The following BICRAL variants were observed in gnomAD, a reference collection of about 807,000 sequenced individuals.
BICRAL encodes the protein BRD4-interacting chromatin-remodeling complex-associated protein-like.
BICRAL carries 8 observed loss-of-function variants against 91.8 expected under a neutral mutation model. That is an observed-to-expected ratio of 0.09 (90% confidence interval 0.05 to 0.16). The LOEUF (loss-of-function observed/expected upper bound fraction) is 0.16, where lower values mean the gene tolerates loss of function less well. Ranked by LOEUF, BICRAL falls within the 10% of genes least tolerant of loss-of-function variation. The pLI is 1.00. For synonymous variants in BICRAL, 445 were observed against 491.1 expected, an observed-to-expected ratio of 0.91 and a Z score of 1.24; for missense variants, 1,038 against 1,310.9, an observed-to-expected ratio of 0.79 and a Z score of 3.21.
Position 42,817,170 on chromosome 6 carries a change from GTGTA to G in BICRAL, c.-5-4846_-5-4843del, listed in dbSNP as rs777292040. On this transcript the variant is annotated intron_variant, in intron 2 of 12. Coordinates refer to ENST00000314073, the MANE Select transcript of BICRAL (RefSeq NM_001393499.1). ...TATATGTGTGTGTGTGTGTGTGTGT[GTGTA>G]TATATGTGTGTGTGTGTATTTCCCC... 2.6e-3 allele frequency among the ~76,000 whole-genome samples: 387 copies of G among 150,840 alleles called. 3 individuals carry two copies. Among genetic ancestry groups the G allele is most frequent in the African/African-American group, 7.2e-3 (297 of 41,034 alleles).
intron 1 of BICRAL, among the ~76,000 whole-genome samples, chr6:42,756,323 CTGGTTCTTTCT>C (rs1033995250): frequency 2.6e-5 from 4 of 152,142 alleles, no homozygotes; most frequent in African/African-American, 7.2e-5. Flanking sequence ...ATTTATCTCC[CTGGTTCTTTCT>C]TGGTTCTTTA....
At chr6:42,852,473 C>T (rs1765217798) in intron 7 of BICRAL, 1 of 546,896 alleles carries the variant, frequency 1.8e-6, no homozygotes. Context: ...ACCAGCCCGA[C>T]CAACATGATG....
chr6:42,765,304 C>T (rs1008851934), intron 1 of BICRAL, among the ~76,000 whole-genome samples: 37 of 152,264 alleles, frequency 2.4e-4, no homozygotes, highest in African/African-American at 6.5e-4. Context: ...AATGTGAATG[C>T]GTAACAGGGC....
chr6:42,760,790 G>A (rs1303966042), intron 1 of BICRAL, among the ~76,000 whole-genome samples: 1 of 145,358 alleles, frequency 6.9e-6, no homozygotes. Flanking sequence ...GGGAGGTAGA[G>A]GCAGGTGGAT....
At chr6:42,836,146 G>A (rs1010331701) in intron 6 of BICRAL, among the ~76,000 whole-genome samples, 5 of 152,116 alleles carry the variant, frequency 3.3e-5, no homozygotes, top group African/African-American at 1.2e-4. Context: ...ACACGCCATA[G>A]ACGTTTTCAC....
chr6:42,857,614 A>AAAAAAAAAAAAAAAAAATATATAT, intron 10 of BICRAL, among the ~76,000 whole-genome samples: 1 of 96,242 alleles, frequency 1.0e-5, no homozygotes, highest in African/African-American at 6.5e-5. Context: ...AAAAAAAAAA[A>AAAAAAAAAAAAAAAAAATATATAT]ATATATATAT....
intron 5 of BICRAL, among the ~76,000 whole-genome samples, chr6:42,825,425 C>T (rs1378153862): frequency 6.6e-6 from 1 of 151,480 alleles, no homozygotes; most frequent in South Asian, 2.1e-4. Context: ...ATTAGCCGGG[C>T]GTTGTGGCGG....
chr6:42,794,407 TACTC>T (rs1381674314), intron 1 of BICRAL, among the ~76,000 whole-genome samples: 2 of 142,364 alleles, frequency 1.4e-5, no homozygotes, highest in Admixed American at 7.2e-5. Context: ...AAAATTCACT[TACTC>T]TGTGTGTGTG....
rs1489423852 is a variant in BICRAL, at chr6:42,868,197, T to A, written c.*2751T>A. 1 of 152,440 alleles carries A rather than the reference T, an allele frequency of 6.6e-6. No homozygotes were observed. Among genetic ancestry groups the A allele is most frequent in the African/African-American group, 2.4e-5 (1 of 41,396 alleles). 9.4% of individuals were successfully genotyped at this position (152,440 alleles called of 1,614,324 possible). Reference sequence around the variant, plus strand: ...ATCTGGCAATTATGAAAAAGAAATATTTTAGCTCTGAAGGATTTAGTAGAT... The same window carrying A: ...ATCTGGCAATTATGAAAAAGAAATAATTTAGCTCTGAAGGATTTAGTAGAT... On this transcript the variant is annotated 3_prime_UTR_variant, in exon 13 of 13. Coordinates refer to ENST00000314073, the MANE Select transcript of BICRAL (RefSeq NM_001393499.1).
chr6:42,862,647 C>A, intron 12 of BICRAL, 35 bp downstream of exon 12: 1 of 1,247,252 alleles, frequency 8.0e-7, no homozygotes, highest in South Asian at 1.2e-5. Context: ...GTGGATAGCT[C>A]CTGCCATGGT....
intron 1 of BICRAL, among the ~76,000 whole-genome samples, chr6:42,761,409 A>G (rs982548293): frequency 1.3e-5 from 2 of 152,220 alleles, no homozygotes; most frequent in African/African-American, 2.4e-5. Flanking sequence ...AGGTTGCACC[A>G]CTGCAATCCA....
chr6:42,857,614 A>AAAAATATAT, intron 10 of BICRAL, among the ~76,000 whole-genome samples: 1,764 of 95,834 alleles, frequency 0.018, 24 homozygotes, highest in Non-Finnish European at 0.026. Flanking sequence ...AAAAAAAAAA[A>AAAAATATAT]ATATATATAT....
intron 6 of BICRAL, among the ~76,000 whole-genome samples, chr6:42,846,208 C>T (rs1765004606): frequency 1.3e-5 from 2 of 151,300 alleles, no homozygotes; most frequent in South Asian, 4.2e-4. Flanking sequence ...AACCCCATCT[C>T]TACTAAAAAT....
At chr6:42,751,066 A>T in intron 1 of BICRAL, among the ~76,000 whole-genome samples, 1 of 128,358 alleles carries the variant, frequency 7.8e-6, no homozygotes, top group South Asian at 2.4e-4. Flanking sequence ...CCCCTTGCCC[A>T]GTTTCCTTTT....
chr6:42,785,333 C>G (rs1025111117), intron 1 of BICRAL, among the ~76,000 whole-genome samples: 1 of 151,414 alleles, frequency 6.6e-6, no homozygotes, highest in East Asian at 2.0e-4. Flanking sequence ...CTGAGGCGGG[C>G]GGATTACCTG....
chr6:42,830,827 G>T (rs1764454960), intron 6 of BICRAL, among the ~76,000 whole-genome samples: 1 of 152,150 alleles, frequency 6.6e-6, no homozygotes, highest in African/African-American at 2.4e-5. Context: ...GTGTTGCCCA[G>T]GCTGGTCTTG....
At chr6:42,779,942 C>T (rs944768062), upstream of BICRAL, among the ~76,000 whole-genome samples, 1 of 152,122 alleles carries the variant, frequency 6.6e-6, no homozygotes. Flanking sequence ...TTTTTAGAGA[C>T]AGGGTCTCAC....
chr6:42,792,676 G>A (rs1191345800), intron 1 of BICRAL, among the ~76,000 whole-genome samples: 1 of 152,012 alleles, frequency 6.6e-6, no homozygotes, highest in Non-Finnish European at 1.5e-5. Flanking sequence ...ACTTTGGGAG[G>A]CCGAAGTAGG....
At chr6:42,819,106 C>T (rs1764071934) in intron 2 of BICRAL, among the ~76,000 whole-genome samples, 1 of 152,048 alleles carries the variant, frequency 6.6e-6, no homozygotes, top group South Asian at 2.1e-4. Flanking sequence ...CTCATAAAAT[C>T]CACCTGGGGT....
Sources: gnomAD v4.1 joint callset for allele counts (sites outside exome capture counted in the v4.1 genomes callset) on GRCh38, gnomAD v4.1.1 for gene constraint, MANE v1.5 for transcripts, NCBI Gene and HGNC (gene_info 2026-07-23, HGNC 2026-07-21) for gene names.